SUPT3H: variants seen among roughly 807,000 people sequenced by gnomAD.
SUPT3H encodes the protein transcription initiation protein SPT3 homolog.
A neutral mutation model predicts 44.3 loss-of-function variants in SUPT3H; 44 were observed. The ratio of observed to expected loss-of-function variants is 0.99; its 90% CI spans 0.78 to 1.28. The LOEUF is 1.28. SUPT3H is among the 50% of genes most tolerant of loss of function. The pLI, the probability that SUPT3H is intolerant of heterozygous loss-of-function variation, is 0.00. For missense variants in SUPT3H, 380 were observed against 387.1 expected (o/e 0.98, Z 0.15); for synonymous variants, 124 against 125.6 (o/e 0.99, Z 0.09).
At chr6:45,037,556 C>T (rs1036782338) in intron 3 of SUPT3H, among the ~76,000 whole-genome samples, 5 of 151,026 alleles carry the variant, frequency 3.3e-5, no homozygotes, top group African/African-American at 4.9e-5. Flanking sequence ...CCCAGCTACT[C>T]GGGAGGCTGA....
intron 2 of SUPT3H, among the ~76,000 whole-genome samples, chr6:45,218,020 A>C (rs1765380053): frequency 6.6e-6 from 1 of 152,168 alleles, no homozygotes; most frequent in Non-Finnish European, 1.5e-5. Flanking sequence ...AATAAACAGA[A>C]AACAATAAAT....
intron 2 of SUPT3H, among the ~76,000 whole-genome samples, chr6:45,242,516 T>G (rs189486328): frequency 1.1e-3 from 160 of 152,290 alleles, no homozygotes; most frequent in Non-Finnish European, 1.9e-3. Flanking sequence ...GGGAGACACT[T>G]AAGTTCACAC....
At chr6:45,325,233 AAT>A (rs1786165830) in intron 2 of SUPT3H, among the ~76,000 whole-genome samples, 2 of 151,882 alleles carry the variant, frequency 1.3e-5, no homozygotes, top group Admixed American at 6.6e-5. Flanking sequence ...CAAATAAAAG[AAT>A]AGAGTTAGCA....
chr6:45,003,548 CTT>C, intron 6 of SUPT3H, 103 bp downstream of exon 6: 1 of 1,363,980 alleles, frequency 7.3e-7, no homozygotes, highest in Non-Finnish European at 9.9e-7. Flanking sequence ...AAACCACTGA[CTT>C]AGAGATTTCA....
intron 3 of SUPT3H, among the ~76,000 whole-genome samples, chr6:45,062,794 TG>T (rs1792380983): frequency 1.3e-5 from 2 of 152,082 alleles, no homozygotes; most frequent in African/African-American, 2.4e-5. Context: ...ATCTCACACC[TG>T]GCTTGGAGGG....
At chr6:45,158,275 C>CATATATATATATAT (rs70996305) in intron 2 of SUPT3H, among the ~76,000 whole-genome samples, 3 of 62,166 alleles carry the variant, frequency 4.8e-5, no homozygotes, top group African/African-American at 3.8e-4. Flanking sequence ...TATAAATATA[C>CATATATATATATAT]ATATATATAT....
intron 6 of SUPT3H, among the ~76,000 whole-genome samples, chr6:44,993,145 A>T (rs1238128767): frequency 6.6e-6 from 1 of 152,128 alleles, no homozygotes; most frequent in Non-Finnish European, 1.5e-5. Context: ...CCTGGGGAAC[A>T]GAAGGAGACT....
chr6:45,202,433 T>C (rs2153626562), intron 2 of SUPT3H, among the ~76,000 whole-genome samples: 1 of 152,078 alleles, frequency 6.6e-6, no homozygotes, highest in Middle Eastern at 3.4e-3. Flanking sequence ...CTTGTTAAAG[T>C]CAAAACTACT....
intron 9 of SUPT3H, among the ~76,000 whole-genome samples, chr6:44,940,228 G>A (rs973707798): frequency 4.6e-5 from 7 of 151,828 alleles, no homozygotes; most frequent in Non-Finnish European, 1.0e-4. Flanking sequence ...TATACCACAG[G>A]TTTCAGTGCG....
At chr6:45,065,607 A>T (rs1793139799) in intron 3 of SUPT3H, among the ~76,000 whole-genome samples, 1 of 151,370 alleles carries the variant, frequency 6.6e-6, no homozygotes, top group African/African-American at 2.4e-5. Flanking sequence ...AATAGACACA[A>T]TAAAAAATGA....
chr6:45,068,995 AAAAAT>A (rs1274194915), intron 3 of SUPT3H, among the ~76,000 whole-genome samples: 176 of 152,018 alleles, frequency 1.2e-3, no homozygotes, highest in Admixed American at 8.5e-4. Context: ...AAAAAATAAA[AAAAAT>A]AAAATAAAAT....
intron 2 of SUPT3H, among the ~76,000 whole-genome samples, chr6:45,142,444 A>G (rs1805364367): frequency 1.3e-5 from 2 of 152,090 alleles, no homozygotes; most frequent in African/African-American, 4.8e-5. Context: ...TCCACTTAAA[A>G]TATGCAGAAT....
intron 2 of SUPT3H, among the ~76,000 whole-genome samples, chr6:45,337,077 A>C (rs895039109): frequency 1.3e-5 from 2 of 151,718 alleles, no homozygotes; most frequent in Non-Finnish European, 3.0e-5. Flanking sequence ...TATAGTGAGA[A>C]GCCAACCCCG....
At chr6:44,885,392 C>T (rs993113269) in intron 10 of SUPT3H, among the ~76,000 whole-genome samples, 6 of 152,040 alleles carry the variant, frequency 3.9e-5, no homozygotes, top group African/African-American at 9.7e-5. Context: ...ACACCTCACA[C>T]GTCCGGGTAC....
At chr6:45,355,647 TAAGTG>T (rs1793024965) in intron 2 of SUPT3H, among the ~76,000 whole-genome samples, 1 of 152,154 alleles carries the variant, frequency 6.6e-6, no homozygotes, top group South Asian at 2.1e-4. Flanking sequence ...AAATTCCAGA[TAAGTG>T]AAGTTTTATT....
At chr6:44,963,047 T>A (rs560501266) in intron 6 of SUPT3H, among the ~76,000 whole-genome samples, 67 of 151,718 alleles carry the variant, frequency 4.4e-4, no homozygotes, top group African/African-American at 1.5e-3. Context: ...TATACACATA[T>A]AATGTATATA....
intron 2 of SUPT3H, among the ~76,000 whole-genome samples, chr6:45,306,990 A>G (rs1198398993): frequency 6.6e-6 from 1 of 152,230 alleles, no homozygotes; most frequent in African/African-American, 2.4e-5. Context: ...CTGGCTCAGA[A>G]GGTCCCAGGC....
chr6:45,231,114 T>C (rs1017032050), intron 2 of SUPT3H, among the ~76,000 whole-genome samples: 2 of 152,242 alleles, frequency 1.3e-5, no homozygotes, highest in Non-Finnish European at 2.9e-5. Flanking sequence ...ATTGTCCTTG[T>C]AGTTTGCTGA....
chr6:44,852,380 G>C (rs1773034230), intron 10 of SUPT3H, among the ~76,000 whole-genome samples: 1 of 152,094 alleles, frequency 6.6e-6, no homozygotes, highest in African/African-American at 2.4e-5. Flanking sequence ...ATAGAGCTGT[G>C]AACATATAAT....
Sources: gnomAD v4.1 joint callset for allele counts (sites outside exome capture counted in the v4.1 genomes callset) on GRCh38, gnomAD v4.1.1 for gene constraint, MANE v1.5 for transcripts, NCBI Gene and HGNC (gene_info 2026-07-23, HGNC 2026-07-21) for gene names.